The following CPVL variants were observed in gnomAD, a reference collection of about 807,000 sequenced individuals.
The protein encoded by CPVL is probable serine carboxypeptidase CPVL.
A neutral mutation model predicts 63.7 loss-of-function variants in CPVL; 51 were observed. The ratio of observed to expected loss-of-function variants is 0.80; its 90% CI spans 0.64 to 1.01. CPVL has a LOEUF of 1.01. CPVL is among the 50% of genes least tolerant of loss of function. CPVL has a pLI of 0.00. For missense variants in CPVL, 530 were observed against 573.1 expected, an observed-to-expected ratio of 0.92 and a Z score of 0.77; for synonymous variants, 195 against 206.0, an observed-to-expected ratio of 0.95 and a Z score of 0.46.
chr7:29,157,431 G>A (rs912140369), intron 5 of CPVL, among the ~76,000 whole-genome samples: 3 of 134,472 alleles, frequency 2.2e-5, no homozygotes, highest in Non-Finnish European at 3.1e-5. Context: ...GAGAAATGGC[G>A]TTATCTCAGT....
intron 5 of CPVL, among the ~76,000 whole-genome samples, chr7:29,168,551 GT>G (rs1451236187): frequency 6.6e-6 from 1 of 152,046 alleles, no homozygotes; most frequent in Non-Finnish European, 1.5e-5. Context: ...ACATCCTATA[GT>G]TTCATCTGTG....
rs558168710 is a variant in CPVL at position 29,019,894 on chromosome 7, G to A, written c.1320+10683C>T. Among the ~76,000 whole-genome samples, 9 of 152,294 alleles carry A rather than the reference G, an allele frequency of 5.9e-5. No homozygotes were observed. The South Asian group carries it at 6.2e-4, about 11-fold the overall frequency. ...ATACAAAATGCAGATCCCTTGCTGC[G>A]TGGTAAAACACTCACTATCACAAAC... On this transcript the variant is annotated intron_variant, in intron 12 of 12. Transcript: ENST00000265394.
intron 2 of CPVL, among the ~76,000 whole-genome samples, chr7:29,186,200 C>G (rs1562815110): frequency 6.6e-6 from 1 of 151,926 alleles, no homozygotes; most frequent in Non-Finnish European, 1.5e-5. Context: ...GTCAGGAGTA[C>G]AAGTCCTATG....
intron 3 of CPVL, among the ~76,000 whole-genome samples, chr7:29,105,142 T>C (rs1462664062): frequency 1.3e-5 from 2 of 152,184 alleles, no homozygotes; most frequent in Admixed American, 6.5e-5. Flanking sequence ...CATTTTGAGA[T>C]ATATTTTAAT....
At chr7:29,139,363 T>C (rs1292553768) in intron 1 of CPVL, among the ~76,000 whole-genome samples, 1 of 152,132 alleles carries the variant, frequency 6.6e-6, no homozygotes, top group African/African-American at 2.4e-5. Context: ...ATTCTAAAAA[T>C]GCAGCCAAGG....
At chr7:29,129,890 G>A (rs1790505102) in intron 1 of CPVL, among the ~76,000 whole-genome samples, 1 of 152,146 alleles carries the variant, frequency 6.6e-6, no homozygotes, top group Non-Finnish European at 1.5e-5. Context: ...AACTTTAGAG[G>A]AGAATGCCAT....
rs927421260 is a variant in CPVL, at chr7:29,091,791, C to G, written c.542+832G>C. Among the ~76,000 whole-genome samples, 45 of 152,206 alleles carry G rather than the reference C, an allele frequency of 3.0e-4. 1 individual carries two copies. Among genetic ancestry groups the G allele is most frequent in the Admixed American group, 2.0e-3 (31 of 15,286 alleles). On this transcript the variant is annotated intron_variant, in intron 6 of 12. Coordinates refer to ENST00000265394, the MANE Select transcript of CPVL (RefSeq NM_031311.5). ...TTCTTCTCTCCCCCCGGCCACCTAT[C>G]TGCCTCAGAGAGAAAGAAAAGTAAA... is the stretch of plus-strand genomic sequence containing the variant.
At chr7:29,065,147 TA>T (rs1783026063) in intron 10 of CPVL, among the ~76,000 whole-genome samples, 2 of 151,990 alleles carry the variant, frequency 1.3e-5, no homozygotes, top group Admixed American at 6.6e-5. Context: ...ACACAAGGAT[TA>T]AAAAAACTGT....
chr7:29,052,452 A>C lies in CPVL; in HGVS notation c.1137+11609T>G, dbSNP rs964477999. ...GAAGATTCAGTTCCAAAAAAAAAAA[A>C]AAAAACCAAACCAAAAGCATAAATG... On this transcript the variant is annotated intron_variant, in intron 11 of 12. Transcript: ENST00000265394. Among the ~76,000 whole-genome samples the C allele has an allele frequency of 6.6e-3, 1,007 of 151,860 alleles. 9 individuals are homozygous for C. Among genetic ancestry groups the C allele is most frequent in the Non-Finnish European group, 0.011 (767 of 67,942 alleles).
intron 1 of CPVL, among the ~76,000 whole-genome samples, chr7:29,187,451 C>T (rs533714502): frequency 4.6e-5 from 7 of 152,120 alleles, no homozygotes; most frequent in South Asian, 2.1e-4. Context: ...TGGCCAGGCA[C>T]GGTGGCTCAC....
intron 5 of CPVL, among the ~76,000 whole-genome samples, chr7:29,153,334 A>T (rs1160768691): frequency 6.6e-6 from 1 of 152,146 alleles, no homozygotes; most frequent in Non-Finnish European, 1.5e-5. Context: ...ATGTGTTTCA[A>T]CTACACAAGT....
intron 12 of CPVL, chr7:29,011,860 T>G (rs1785875186): frequency 6.6e-6 from 1 of 152,216 alleles, no homozygotes; most frequent in Non-Finnish European, 1.5e-5. Context: ...TATGTGGTAT[T>G]TGGTATGAGA....
Position 29,119,209 on chromosome 7 carries a change from G to A in CPVL, c.169+1684C>T, listed in dbSNP as rs187046339. 1.6e-4 allele frequency among the ~76,000 whole-genome samples: 25 copies of A among 152,294 alleles called. No individual in the cohort carries two copies. In the East Asian group the frequency reaches 4.8e-3, roughly 29 times the overall value. ...AAGCATTAAGAGCAGATACAGGGCCGGGGGCAGTGGCTCACGCCTATAATC... is the reference window on the plus strand; with the variant it reads ...AAGCATTAAGAGCAGATACAGGGCCAGGGGCAGTGGCTCACGCCTATAATC... On this transcript the variant is annotated intron_variant, in intron 2 of 12. Coordinates refer to ENST00000265394, the MANE Select transcript of CPVL (RefSeq NM_031311.5).
At chr7:29,112,980 G>A in intron 2 of CPVL, 158 bp from the exon 3 acceptor site, 1 of 579,330 alleles carries the variant, frequency 1.7e-6, no homozygotes, top group East Asian at 2.8e-5. Context: ...GCCTGCCCCT[G>A]GCCAATCCCA....
chr7:29,194,084 A>C (rs1231581526), intron 1 of CPVL: 1 of 152,544 alleles, frequency 6.6e-6, no homozygotes, highest in East Asian at 1.9e-4. Context: ...CCTTCTGCCT[A>C]GCACCGTGGC....
At chr7:29,088,589 G>C (rs1268284746) in intron 6 of CPVL, among the ~76,000 whole-genome samples, 1 of 152,086 alleles carries the variant, frequency 6.6e-6, no homozygotes, top group Non-Finnish European at 1.5e-5. Context: ...CTGTATTTTA[G>C]TCAAGAACTC....
At chr7:29,190,375 G>T (rs980229405) in intron 1 of CPVL, among the ~76,000 whole-genome samples, 2 of 152,152 alleles carry the variant, frequency 1.3e-5, no homozygotes, top group African/African-American at 4.8e-5. Context: ...TTCATTCTGT[G>T]TTTAGCACAG....
intron 5 of CPVL, among the ~76,000 whole-genome samples, chr7:29,165,731 T>A (rs1240866058): frequency 6.6e-6 from 1 of 152,216 alleles, no homozygotes; most frequent in Non-Finnish European, 1.5e-5. Context: ...TTTTCTTTTT[T>A]AAATTTTTTC....
intron 2 of CPVL, chr7:29,113,864 AG>A (rs1788497547): frequency 6.6e-6 from 1 of 152,530 alleles, no homozygotes; most frequent in Admixed American, 6.5e-5. Flanking sequence ...GCGAAGTAAA[AG>A]GGAAAGTTTG....
Sources: allele counts gnomAD v4.1 joint callset (sites outside exome capture counted in the v4.1 genomes callset), GRCh38; gene constraint gnomAD v4.1.1; transcripts MANE v1.5; gene names NCBI Gene and HGNC (gene_info 2026-07-23, HGNC 2026-07-21).